Variants in KMT2C observed in about 807,000 individuals in gnomAD.
The protein encoded by KMT2C is histone-lysine N-methyltransferase 2C.
Under a neutral mutation model 507.9 loss-of-function variants are expected in KMT2C, and 88 were observed. That is an observed-to-expected ratio of 0.17 (90% CI 0.15 to 0.21). KMT2C has a LOEUF of 0.21. Among genes scored for constraint, KMT2C ranks in the 10% least tolerant of loss-of-function variants. The probability of loss-of-function intolerance (pLI) is 1.00; values close to 1 mark genes in which losing one functional copy is unlikely to be tolerated. For missense variants in KMT2C, 4,954 were observed against 5,957.8 expected (o/e 0.83, Z 5.55); for synonymous variants, 2,049 against 2,080.8 (o/e 0.98, Z 0.42).
chr7:152,410,951 C>A (rs1231338890), intron 1 of KMT2C, among the ~76,000 whole-genome samples: 1 of 151,900 alleles, frequency 6.6e-6, no homozygotes, highest in Admixed American at 6.6e-5. Context: ...TGCAGTGAGC[C>A]AAGATCTCAC....
intron 6 of KMT2C, among the ~76,000 whole-genome samples, chr7:152,277,583 G>A (rs779887075): frequency 6.6e-6 from 1 of 152,050 alleles, no homozygotes; most frequent in East Asian, 1.9e-4. Flanking sequence ...ACCCACTCTT[G>A]ATCTGTAACA....
intron 1 of KMT2C, among the ~76,000 whole-genome samples, chr7:152,383,699 A>G (rs751439787): frequency 6.6e-6 from 1 of 152,156 alleles, no homozygotes; most frequent in Non-Finnish European, 1.5e-5. Context: ...GCTTCTTACT[A>G]CATTTATTAC....
intron 2 of KMT2C, among the ~76,000 whole-genome samples, chr7:152,353,811 A>C (rs2097132191): frequency 6.6e-6 from 1 of 152,172 alleles, no homozygotes; most frequent in African/African-American, 2.4e-5. Flanking sequence ...ATACCCTTAT[A>C]TTACTACAAA....
Position 152,248,534 on chromosome 7 carries a change from C to A in KMT2C, c.1900G>T (p.Val634Leu), listed in dbSNP as rs201747335. 2 of 1,614,040 alleles carry A rather than the reference C, an allele frequency of 1.2e-6. No individual in the cohort carries two copies. Among genetic ancestry groups the A allele is most frequent in the Non-Finnish European group, 1.7e-6 (2 of 1,179,960 alleles). ...DSEDLKMSSE[V>L]KHICGEDQIE... The stretch of plus-strand genomic sequence containing the variant: ...TGATCTTCGCCACAAATATGCTTCA[C>A]TTCAGAAGACATTTTCAGGTCTTCA... The change falls in exon 14 of 59, where the codon GTG becomes TTG. Residue 634 changes from valine (V) to leucine (L), a missense_variant. Physicochemically the swap from Val to Leu is conservative, Grantham distance 32. Transcript: ENST00000262189.
In KMT2C at chr7:152,163,624, G is replaced by A. The variant is rs1162848142; in HGVS notation, c.9953C>T (p.Thr3318Ile). ...PQQLQHQQHT[T>I]VISGHTSPVR... Reference sequence around the variant, plus strand: ...AGGGCTAGTATGGCCAGAAATAACTGTTGTGTGCTGCTGGTGCTGAAGCTG... The same window carrying A: ...AGGGCTAGTATGGCCAGAAATAACTATTGTGTGCTGCTGGTGCTGAAGCTG... Residue 3318 changes from threonine (T) to isoleucine (I), a missense_variant, in exon 43 of 59, where the codon ACA (threonine) becomes ATA (isoleucine). Thr to Ile is a moderately conservative substitution (Grantham distance 89). This residue lies in a region of KMT2C where 801 missense variants were observed against 751.2 expected (regional missense o/e 1.07). Transcript: ENST00000262189. 2 of 1,610,584 alleles carry A rather than the reference G, an allele frequency of 1.2e-6. No individual in the cohort carries two copies. The highest frequency in any genetic ancestry group is 1.7e-6 in the Non-Finnish European group (2 of 1,177,988).
At position 152,248,745 on chromosome 7, in the gene KMT2C, T is replaced by A. The variant is rs567922578; in HGVS notation, c.1814-125A>T. ...AGAAGGTATTCATCAAAGCAGACAA[T>A]TATTAAGTGAATGAAAGCCAAAGTA... On this transcript the variant is annotated intron_variant, in intron 13 of 58. Coordinates refer to ENST00000262189, the MANE Select transcript of KMT2C (RefSeq NM_170606.3). 4.7e-5 allele frequency: 29 copies of A among 611,888 alleles called. No homozygotes were observed. In the South Asian group the frequency reaches 6.3e-4, roughly 13 times the overall value. 37.9% of individuals were successfully genotyped at this position (611,888 alleles called of 1,614,324 possible).
intron 38 of KMT2C, 138 bp from the exon 39 acceptor site, chr7:152,174,380 G>C (rs916943758): frequency 1.1e-5 from 6 of 551,294 alleles, no homozygotes; most frequent in East Asian, 3.1e-5. Context: ...CCTTATCCTG[G>C]GTTTAATCGC....
intron 1 of KMT2C, among the ~76,000 whole-genome samples, chr7:152,392,062 C>CT (rs2097503225): frequency 6.6e-6 from 1 of 152,208 alleles, no homozygotes; most frequent in Admixed American, 6.5e-5. Context: ...CCATAAATGC[C>CT]TGAAACCACG....
chr7:152,330,770 A>G (rs1563888304), intron 2 of KMT2C, 31 bp from the exon 3 acceptor site: 2 of 1,606,398 alleles, frequency 1.2e-6, no homozygotes, highest in African/African-American at 2.7e-5. Context: ...GAAAACAAAG[A>G]GTCATTTTTG....
intron 14 of KMT2C, among the ~76,000 whole-genome samples, chr7:152,243,636 T>C (rs1051015472): frequency 5.9e-5 from 9 of 151,956 alleles, no homozygotes; most frequent in African/African-American, 2.2e-4. Context: ...ATTTAAAAAA[T>C]TAGCCAGGTG....
intron 29 of KMT2C, 23 bp from the exon 30 acceptor site, chr7:152,194,284 AAG>A (rs1181581406): frequency 2.1e-6 from 3 of 1,414,710 alleles, no homozygotes; most frequent in Non-Finnish European, 2.9e-6. Context: ...AAAAAAAAAA[AAG>A]AAACATTAAC....
chr7:152,323,867 C>T (rs2096797982), intron 3 of KMT2C, among the ~76,000 whole-genome samples: 1 of 150,642 alleles, frequency 6.6e-6, no homozygotes, highest in Non-Finnish European at 1.5e-5. Context: ...GCGGGAGGGA[C>T]CTGTCATCTG....
chr7:152,347,562 T>C (rs2097071653), intron 2 of KMT2C, among the ~76,000 whole-genome samples: 2 of 152,218 alleles, frequency 1.3e-5, no homozygotes, highest in South Asian at 4.1e-4. Flanking sequence ...GGCCACATAA[T>C]TATTACAGTT....
At chr7:152,246,501 G>T (rs563884285) in intron 14 of KMT2C, among the ~76,000 whole-genome samples, 2 of 152,118 alleles carry the variant, frequency 1.3e-5, no homozygotes, top group South Asian at 2.1e-4. Context: ...ATTGAACCTG[G>T]TTTCTCAATT....
chr7:152,139,308 C>CCT, intron 56 of KMT2C, 49 bp from the exon 57 acceptor site: 1 of 1,533,614 alleles, frequency 6.5e-7, no homozygotes, highest in South Asian at 1.1e-5. Flanking sequence ...CTGAAACTCC[C>CCT]CTCTGTGTTC....
chr7:152,172,581 A>G (rs1001496573), intron 39 of KMT2C, among the ~76,000 whole-genome samples: 5 of 152,186 alleles, frequency 3.3e-5, no homozygotes, highest in Admixed American at 1.3e-4. Flanking sequence ...CTGTGATCCG[A>G]GCTACTCCAG....
chr7:152,216,733 A>G (rs560144106), intron 23 of KMT2C, among the ~76,000 whole-genome samples: 37 of 152,318 alleles, frequency 2.4e-4, no homozygotes, highest in African/African-American at 8.7e-4. Flanking sequence ...CCCTCATCCT[A>G]AAAGTTCAAT....
At chr7:152,379,355 T>C (rs1434958611) in intron 1 of KMT2C, among the ~76,000 whole-genome samples, 1 of 152,036 alleles carries the variant, frequency 6.6e-6, no homozygotes, top group Non-Finnish European at 1.5e-5. Flanking sequence ...CTGGTCAACA[T>C]GGTGAAACCC....
chr7:152,304,069 A>T (rs1332819896), intron 6 of KMT2C, among the ~76,000 whole-genome samples: 1 of 152,216 alleles, frequency 6.6e-6, no homozygotes, highest in African/African-American at 2.4e-5. Flanking sequence ...AACATTTCTT[A>T]TTAAAAGATG....
Sources: gnomAD v4.1 joint callset for allele counts (sites outside exome capture counted in the v4.1 genomes callset) on GRCh38, gnomAD v4.1.1 for gene constraint, gnomAD v4.1.1 regional missense constraint, MANE v1.5 for transcripts, NCBI Gene and HGNC (gene_info 2026-07-23, HGNC 2026-07-21) for gene names.